Variants in HS1BP3 observed in about 807,000 individuals in gnomAD.
HS1BP3 encodes the protein HCLS1 binding protein 3.
Under a neutral mutation model 33.5 loss-of-function variants are expected in HS1BP3, and 32 were observed. The observed-to-expected ratio is 0.95, with a 90% confidence interval of 0.72 to 1.28. HS1BP3 has a LOEUF of 1.28. Ranked by LOEUF, HS1BP3 falls within the 50% of genes most tolerant of loss-of-function variation. The pLI is 0.00. For synonymous variants in HS1BP3, 187 were observed against 209.2 expected (o/e 0.89, Z 0.92); for missense variants, 486 against 502.3 (o/e 0.97, Z 0.31).
At chr2:20,571,343 C>T (rs1315499028) in intron 5 of HS1BP3, among the ~76,000 whole-genome samples, 1 of 152,200 alleles carries the variant, frequency 6.6e-6, no homozygotes, top group Non-Finnish European at 1.5e-5. Context: ...GCCCCTCCCT[C>T]ACAGCACAGC....
At chr2:20,610,286 C>T (rs1276546555) in intron 2 of HS1BP3, among the ~76,000 whole-genome samples, 1 of 152,138 alleles carries the variant, frequency 6.6e-6, no homozygotes, top group African/African-American at 2.4e-5. Flanking sequence ...TAGGTTTAAA[C>T]TAATGAATAA....
At chr2:20,628,092 C>T (rs1262459828) in intron 4 of HS1BP3, among the ~76,000 whole-genome samples, 1 of 152,206 alleles carries the variant, frequency 6.6e-6, no homozygotes, top group East Asian at 1.9e-4. Flanking sequence ...CTCCGAAGAT[C>T]TCCTGGCCGA....
At position 20,597,389 on chromosome 2, in the gene HS1BP3, C is replaced by A. The variant is rs549395827; in HGVS notation, c.*12+819G>T. 9.8e-5 allele frequency among the ~76,000 whole-genome samples: 15 copies of A among 152,306 alleles called. No homozygotes were observed. The South Asian group carries it at 2.5e-3, about 25-fold the overall frequency. Reference sequence around the variant, plus strand: ...CTTGTACTGGTTTTAGAGCCCTGGACGGAGCTCCAGGTGACATGGGCCTTC... The same window carrying A: ...CTTGTACTGGTTTTAGAGCCCTGGAAGGAGCTCCAGGTGACATGGGCCTTC... On this transcript the variant is annotated intron_variant, in intron 3 of 3. Transcript: ENST00000415264.
chr2:20,557,308 C>T (rs1692864248), downstream of HS1BP3, among the ~76,000 whole-genome samples: 3 of 152,182 alleles, frequency 2.0e-5, no homozygotes, highest in Admixed American at 1.3e-4. Flanking sequence ...GCCTTCCAGA[C>T]AAAGACCTGT....
intron 5 of HS1BP3, among the ~76,000 whole-genome samples, chr2:20,562,043 C>T (rs558269512): frequency 2.6e-5 from 4 of 152,270 alleles, no homozygotes; most frequent in Middle Eastern, 3.4e-3. Context: ...GGGGAACTTC[C>T]GGATTGCTAA....
At chr2:20,619,390 C>T in intron 6 of HS1BP3, 145 bp from the exon 7 acceptor site, 1 of 687,308 alleles carries the variant, frequency 1.5e-6, no homozygotes, top group Non-Finnish European at 2.4e-6. Flanking sequence ...CCCTGCTCTG[C>T]CCCATTCCAC....
chr2:20,619,704 G>C (rs887319239), intron 6 of HS1BP3, among the ~76,000 whole-genome samples: 1 of 152,270 alleles, frequency 6.6e-6, no homozygotes, highest in African/African-American at 2.4e-5. Flanking sequence ...ACGCAGATGA[G>C]GACGCTGGAG....
At chr2:20,562,863 G>C (rs944803526) in intron 5 of HS1BP3, among the ~76,000 whole-genome samples, 2 of 152,156 alleles carry the variant, frequency 1.3e-5, no homozygotes, top group Admixed American at 1.3e-4. Flanking sequence ...ATGAGAGAAA[G>C]AAAAACACTT....
At chr2:20,560,249 C>T (rs572282043), downstream of HS1BP3, among the ~76,000 whole-genome samples, 1 of 152,298 alleles carries the variant, frequency 6.6e-6, no homozygotes, top group African/African-American at 2.4e-5. Flanking sequence ...GGCTGAGGAC[C>T]AGGACATGGC....
chr2:20,553,888 C>A, the HS1BP3 span, among the ~76,000 whole-genome samples: 24 of 152,186 alleles, frequency 1.6e-4, no homozygotes, highest in Non-Finnish European at 2.9e-4. Context: ...ACCTTTTGTG[C>A]AAGCTAGCAA....
In HS1BP3 at chr2:20,619,047, G is replaced by A. The variant is rs1694510180; in HGVS notation, c.1119C>T (p.Asp373=). The A allele has an allele frequency of 6.2e-7, 1 of 1,614,196 alleles. No homozygotes were observed. The highest frequency in any genetic ancestry group is 1.1e-5 in the South Asian group (1 of 91,092). ...CGTGGTCCTGGATGTACTGCAAGAT[G>A]TCCATCTCGTCCATGGCTTGGATCT... is the stretch of plus-strand genomic sequence containing the variant. ...QEQIQAMDEM[D]ILQYIQDHDT... Residue 373 remains aspartate (D), a synonymous_variant, in exon 7 of 7, where the codon GAC becomes GAT. Coordinates refer to ENST00000304031, the MANE Select transcript of HS1BP3 (RefSeq NM_022460.4).
intron 3 of HS1BP3, among the ~76,000 whole-genome samples, chr2:20,593,378 T>C (rs1693864932): frequency 6.6e-6 from 1 of 152,196 alleles, no homozygotes; most frequent in African/African-American, 2.4e-5. Context: ...GCTTGTTTTG[T>C]CAGTTTTGTT....
intron 5 of HS1BP3, among the ~76,000 whole-genome samples, chr2:20,571,724 C>T (rs1354158245): frequency 2.0e-5 from 3 of 152,200 alleles, no homozygotes; most frequent in Admixed American, 6.5e-5. Flanking sequence ...CCCATGCTCA[C>T]CAGAGCTTCC....
At chr2:20,640,670 C>CG in intron 3 of HS1BP3, 1 of 575,386 alleles carries the variant, frequency 1.7e-6, no homozygotes. Context: ...CATGGTCAGT[C>CG]GGGGGGTGTC....
chr2:20,576,855 G>T (rs984047935), intron 5 of HS1BP3, among the ~76,000 whole-genome samples: 1 of 152,170 alleles, frequency 6.6e-6, no homozygotes, highest in Non-Finnish European at 1.5e-5. Flanking sequence ...TTTCTGTTTC[G>T]GTTACGTATA....
At chr2:20,612,999 A>G (rs1184280978), downstream of HS1BP3, among the ~76,000 whole-genome samples, 1 of 152,158 alleles carries the variant, frequency 6.6e-6, no homozygotes, top group Non-Finnish European at 1.5e-5. Flanking sequence ...GACAGAGCCC[A>G]ATTTAGGGTC....
At chr2:20,576,905 T>C (rs916460046) in intron 5 of HS1BP3, among the ~76,000 whole-genome samples, 2 of 152,264 alleles carry the variant, frequency 1.3e-5, no homozygotes, top group African/African-American at 2.4e-5. Context: ...CACCTAGTCA[T>C]ATCCTTTTGG....
In HS1BP3 at chr2:20,618,863, C is replaced by T; in HGVS notation, c.*124G>A. 6.9e-7 allele frequency: 1 copy of T among 1,447,920 alleles called. No homozygotes were observed. The highest frequency in any genetic ancestry group is 9.1e-7 in the Non-Finnish European group (1 of 1,103,550). The allele number at this position is 1,447,920 out of a possible 1,614,324, so 89.7% of individuals were successfully genotyped here. On this transcript the variant is annotated 3_prime_UTR_variant, in exon 7 of 7. Coordinates refer to ENST00000304031, the MANE Select transcript of HS1BP3 (RefSeq NM_022460.4). Reference sequence around the variant, plus strand: ...AACCATGCAGTTCTGGGTGCTGTGACCCAGGCTTCTGCCTGGCCTCCCCTG... The same window carrying T: ...AACCATGCAGTTCTGGGTGCTGTGATCCAGGCTTCTGCCTGGCCTCCCCTG...
chr2:20,553,871 A>G, the HS1BP3 span, among the ~76,000 whole-genome samples: 1 of 152,190 alleles, frequency 6.6e-6, no homozygotes, highest in South Asian at 2.1e-4. Flanking sequence ...GAATGGTCTG[A>G]GATCTTACCT....
Sources: allele counts gnomAD v4.1 joint callset (sites outside exome capture counted in the v4.1 genomes callset), GRCh38; gene constraint gnomAD v4.1.1; transcripts MANE v1.5; gene names NCBI Gene and HGNC (gene_info 2026-07-23, HGNC 2026-07-21).